Variants in TRAF7 observed in about 807,000 individuals in gnomAD.
The protein encoded by TRAF7 is TNF receptor associated factor 7.
In TRAF7, 45 loss-of-function variants were observed where a neutral mutation model predicts 89.3. That is an observed-to-expected ratio of 0.50 (90% CI 0.40 to 0.65). TRAF7 has a LOEUF of 0.65. Ranked by LOEUF, TRAF7 falls within the 30% of genes least tolerant of loss-of-function variation. The pLI is 0.00. For missense variants in TRAF7, 677 were observed against 918.1 expected, an observed-to-expected ratio of 0.74 and a Z score of 3.39; for synonymous variants, 406 against 369.2, an observed-to-expected ratio of 1.10 and a Z score of -1.14.
At chr16:2,172,424 G>C (rs370331170) in intron 8 of TRAF7, 41 bp from the exon 9 acceptor site, 7 of 1,610,748 alleles carry the variant, frequency 4.3e-6, no homozygotes, top group Middle Eastern at 3.3e-4. Flanking sequence ...CTGCTTCTCA[G>C]GGCTCTGGCT....
intron 14 of TRAF7, 34 bp from the exon 15 acceptor site, chr16:2,175,077 C>CT (rs2093129987): frequency 6.2e-7 from 1 of 1,613,680 alleles, no homozygotes; most frequent in Non-Finnish European, 8.5e-7. Context: ...GACACAGCTT[C>CT]TCCCACCTTG....
rs532829768 is a variant in TRAF7, at chr16:2,177,359, G to A, written c.*785G>A. On this transcript the variant is annotated 3_prime_UTR_variant, in exon 21 of 21. Transcript: ENST00000326181. ...AGGAAGGGGCCCTGCACGCCGGGAC[G>A]CCACCTCCGCCAGCCGCCTCCACCC... is the stretch of plus-strand genomic sequence containing the variant. 108 of 233,570 alleles carry A rather than the reference G, an allele frequency of 4.6e-4. No individual in the cohort carries two copies. Among genetic ancestry groups the A allele is most frequent in the African/African-American group, 2.2e-3 (100 of 45,412 alleles). The allele number at this position is 233,570 out of a possible 1,614,324, so 14.5% of individuals were successfully genotyped here. A position where few individuals can be genotyped will look rare whatever the true frequency, so the allele number is the denominator to read the frequency against.
chr16:2,173,705 C>T, intron 11 of TRAF7, 83 bp from the exon 12 acceptor site: 1 of 1,588,322 alleles, frequency 6.3e-7, no homozygotes, highest in East Asian at 2.3e-5. Flanking sequence ...CACCCCTGGC[C>T]CAGGGCAGCA....
chr16:2,164,174 G>GCGCGCA (rs2093070673), intron 2 of TRAF7, among the ~76,000 whole-genome samples, 173 bp downstream of exon 2: 1 of 129,398 alleles, frequency 7.7e-6, no homozygotes, highest in African/African-American at 3.3e-5. Flanking sequence ...GCGCGCGCGC[G>GCGCGCA]CGCGCGCACG....
At chr16:2,172,093 G>C (rs1331627971) in intron 7 of TRAF7, 98 bp from the exon 8 acceptor site, 3 of 1,472,840 alleles carry the variant, frequency 2.0e-6, no homozygotes, top group Non-Finnish European at 2.8e-6. Flanking sequence ...CAGAGGCGCA[G>C]ATGGACAGAT....
At chr16:2,164,163 C>T (rs113495166) in intron 2 of TRAF7, among the ~76,000 whole-genome samples, 162 bp downstream of exon 2, 11,781 of 86,474 alleles carry the variant, frequency 0.14, 1,050 homozygotes, top group African/African-American at 0.37. Flanking sequence ...TGTGTGTGCG[C>T]GCGCGCGCGC....
Position 2,172,652 on chromosome 16 carries a change from G to A in TRAF7, c.794+53G>A. On this transcript the variant is annotated intron_variant, in intron 9 of 20. Coordinates refer to ENST00000326181, the MANE Select transcript of TRAF7 (RefSeq NM_032271.3). ...CGGGGTGGGCGCAGGCCCTCCACAG[G>A]CTCCGCTGAGAGCTGCCCGCTTGCT... 3 of 1,522,636 alleles carry A rather than the reference G, an allele frequency of 2.0e-6. 1 individual carries two copies. Among genetic ancestry groups the A allele is most frequent in the South Asian group, 2.5e-5 (2 of 81,188 alleles). 94.3% of individuals were successfully genotyped at this position (1,522,636 alleles called of 1,614,324 possible).
Position 2,176,716 on chromosome 16 carries a change from C to A in TRAF7, c.*142C>A. ...GCTCTGGCAGCCGGGCAGTGCCCTC[C>A]CCGTCCCATGCTCGGCGAGCCTCCC... On this transcript the variant is annotated 3_prime_UTR_variant, in exon 21 of 21. Coordinates refer to ENST00000326181, the MANE Select transcript of TRAF7 (RefSeq NM_032271.3). The A allele has an allele frequency of 8.0e-7, 1 of 1,247,132 alleles. No individual in the cohort carries two copies. Among genetic ancestry groups the A allele is most frequent in the Non-Finnish European group, 1.1e-6 (1 of 872,736 alleles). The allele number at this position is 1,247,132 out of a possible 1,614,324, so 77.3% of individuals were successfully genotyped here. A position where few individuals can be genotyped will look rare whatever the true frequency, so the allele number is the denominator to read the frequency against.
rs910346978 is a variant in TRAF7 at position 2,172,448 on chromosome 16, A to G, written c.660-17A>G. On this transcript the variant is annotated splice_polypyrimidine_tract_variant and intron_variant, in intron 8 of 20. Coordinates refer to ENST00000326181, the MANE Select transcript of TRAF7 (RefSeq NM_032271.3). Reference sequence around the variant, plus strand: ...AGGGCTCTGGCTGAGGCCTCCCCGCATCCCGCCCTGGCACAGGGACCACGA... The same window carrying G: ...AGGGCTCTGGCTGAGGCCTCCCCGCGTCCCGCCCTGGCACAGGGACCACGA... 2 of 1,610,668 alleles carry G rather than the reference A, an allele frequency of 1.2e-6. No individual in the cohort carries two copies. The highest frequency in any genetic ancestry group is 2.2e-5 in the South Asian group (2 of 90,558).
rs1325964509 is a variant in TRAF7 at position 2,176,267 on chromosome 16, C to G, written c.1881C>G (p.Val627=). 6.2e-7 allele frequency: 1 copy of G among 1,601,832 alleles called. No homozygotes were observed. Among genetic ancestry groups the G allele is most frequent in the Non-Finnish European group, 8.5e-7 (1 of 1,179,482 alleles). ...CCTCACGTCCCATGTGCCCCCAGGT[C>G]TGGAGTATGGACAACATGATCTGCA... ...FSASYDRSLR[V]WSMDNMICTQ... The change falls in exon 20 of 21, where the codon GTC becomes GTG. Residue 627 remains valine (V), a splice_region_variant and synonymous_variant. Transcript: ENST00000326181.
At position 2,175,580 on chromosome 16, in the gene TRAF7, T is replaced by A. The variant is rs2141295201; in HGVS notation, c.1584T>A (p.Ala528=). ...GLNHWVRALV[A]AQSYLYSGSY... The stretch of plus-strand genomic sequence containing the variant: ...ACCACTGGGTGCGGGCCCTGGTGGC[T>A]GCCCAGAGCTACCTGTACAGCGGCT... Residue 528 remains alanine (A), a synonymous_variant, in exon 17 of 21, where the codon GCT becomes GCA. Coordinates refer to ENST00000326181, the MANE Select transcript of TRAF7 (RefSeq NM_032271.3). 6.2e-7 allele frequency: 1 copy of A among 1,612,876 alleles called. No homozygotes were observed. The highest frequency in any genetic ancestry group is 8.5e-7 in the Non-Finnish European group (1 of 1,179,946).
rs1280990910 is a variant in TRAF7, at chr16:2,175,382, A to T, written c.1468A>T (p.Asn490Tyr). The change falls in exon 16 of 21, where the codon AAC (asparagine) becomes TAC (tyrosine). Residue 490 changes from asparagine to tyrosine, a missense_variant. This residue lies in a region of TRAF7 where 160 missense variants were observed against 263.7 expected (regional missense o/e 0.61). Coordinates refer to ENST00000326181, the MANE Select transcript of TRAF7 (RefSeq NM_032271.3). ...NPVCTLVSSHNVLFSGSLKAI... is the reference protein window; with the variant it reads ...NPVCTLVSSHYVLFSGSLKAI... ...GGTGTGCACGCTGGTCTCCTCACAC[A>T]ACGTGCTCTTCAGCGGCTCCCTGAA... 6.2e-7 allele frequency: 1 copy of T among 1,613,642 alleles called. No homozygotes were observed. Among genetic ancestry groups the T allele is most frequent in the Non-Finnish European group, 8.5e-7 (1 of 1,180,002 alleles).
chr16:2,160,204 C>T (rs1017647278), intron 1 of TRAF7, among the ~76,000 whole-genome samples: 3 of 151,826 alleles, frequency 2.0e-5, no homozygotes, highest in African/African-American at 2.4e-5. Context: ...CAGATTCAGG[C>T]GAGGTCAGGG....
chr16:2,173,929 C>T lies in TRAF7; in HGVS notation c.1144C>T (p.Pro382Ser), dbSNP rs768518680. ...LNMGILGSYD[P>S]QQIFKCKGTF... ...TGCTCCCATCTCTGCAGCCTACGACCCTCAGCAGATCTTCAAGTGCAAAGG... is the reference window on the plus strand; with the variant it reads ...TGCTCCCATCTCTGCAGCCTACGACTCTCAGCAGATCTTCAAGTGCAAAGG... The change falls in exon 13 of 21, where the codon CCT becomes TCT. Residue 382 changes from proline (P) to serine (S), a missense_variant. By Grantham distance (74) the Pro-to-Ser change is moderately conservative. Coordinates refer to ENST00000326181, the MANE Select transcript of TRAF7 (RefSeq NM_032271.3). 6.2e-7 allele frequency: 1 copy of T among 1,611,926 alleles called. No homozygotes were observed. Among genetic ancestry groups the T allele is most frequent in the South Asian group, 1.1e-5 (1 of 91,024 alleles).
rs2093057842 is a variant in TRAF7, at chr16:2,161,357, TTC to T, written c.-38-2524_-38-2523del. On this transcript the variant is annotated intron_variant, in intron 1 of 20. Coordinates refer to ENST00000326181, the MANE Select transcript of TRAF7 (RefSeq NM_032271.3). The surrounding 1 kb of genome is among the most constrained non-coding windows in gnomAD (Gnocchi z 5.2). ...CGGCTGCTGTTGGCCAGCTGGGACT[TTC>T]TGGCTGATTTGCACATTGCCCTGCG... Among the ~76,000 whole-genome samples, 1 of 152,070 alleles carries T rather than the reference TTC, an allele frequency of 6.6e-6. No individual in the cohort carries two copies. Among genetic ancestry groups the T allele is most frequent in the Admixed American group, 6.5e-5 (1 of 15,280 alleles).
Position 2,155,842 on chromosome 16 carries a change from C to T in TRAF7, c.-55C>T, listed in dbSNP as rs1019630385. ...AGCGGGCTGGCGGCGCTGCCGCTCCCGGGCGGCCGCGGGCGGGTGAGTGTC... is the reference window on the plus strand; with the variant it reads ...AGCGGGCTGGCGGCGCTGCCGCTCCTGGGCGGCCGCGGGCGGGTGAGTGTC... On this transcript the variant is annotated 5_prime_UTR_variant, in exon 1 of 21. Transcript: ENST00000326181. The T allele has an allele frequency of 6.6e-6, 1 of 151,068 alleles. No homozygotes were observed. The highest frequency in any genetic ancestry group is 2.4e-5 in the African/African-American group (1 of 41,274). 9.4% of individuals were successfully genotyped at this position (151,068 alleles called of 1,614,324 possible). A position where few individuals can be genotyped will look rare whatever the true frequency, so the allele number is the denominator to read the frequency against.
intron 9 of TRAF7, 83 bp from the exon 10 acceptor site, chr16:2,173,099 G>A: frequency 7.4e-7 from 1 of 1,347,774 alleles, no homozygotes; most frequent in Non-Finnish European, 1.0e-6. Context: ...CGGCCACAGG[G>A]CTGGAGCATT....
At chr16:2,171,174 AG>A in intron 5 of TRAF7, 89 bp from the exon 6 acceptor site, 1 of 1,072,262 alleles carries the variant, frequency 9.3e-7, no homozygotes, top group Non-Finnish European at 1.4e-6. Context: ...GAGGACAGCC[AG>A]GCCTGGAGCA....
rs2141270483 is a variant in TRAF7, at chr16:2,163,762, G to A, written c.-38-121G>A. 4.4e-6 allele frequency: 3 copies of A among 686,914 alleles called. No individual in the cohort carries two copies. The highest frequency in any genetic ancestry group is 2.3e-5 in the Admixed American group (1 of 44,168). 42.6% of individuals were successfully genotyped at this position (686,914 alleles called of 1,614,324 possible). ...CCTGCCTGAGCCGGGGCTGGTGGTG[G>A]AAGGCTGCTGCGGCGGCCCCACGGT... On this transcript the variant is annotated intron_variant, in intron 1 of 20. Coordinates refer to ENST00000326181, the MANE Select transcript of TRAF7 (RefSeq NM_032271.3). The surrounding 1 kb of genome is among the most constrained non-coding windows in gnomAD (Gnocchi z 4.3).
Sources: allele counts gnomAD v4.1 joint callset (sites outside exome capture counted in the v4.1 genomes callset), GRCh38; gene constraint gnomAD v4.1.1; regional missense constraint gnomAD v4.1.1; non-coding constraint Gnocchi (gnomAD v3.1); transcripts MANE v1.5; gene names NCBI Gene and HGNC (gene_info 2026-07-23, HGNC 2026-07-21).